The following ARHGEF9 variants were observed in gnomAD, a reference collection of about 807,000 sequenced individuals.
ARHGEF9 encodes the protein Cdc42 guanine nucleotide exchange factor 9.
ARHGEF9 carries 2 observed loss-of-function variants against 41.3 expected under a neutral mutation model. The ratio of observed to expected loss-of-function variants is 0.05; its 90% confidence interval spans 0.02 to 0.15. The LOEUF is 0.15. Ranked by LOEUF, ARHGEF9 falls within the 10% of genes least tolerant of loss-of-function variation. ARHGEF9 has a pLI of 1.00. For missense variants in ARHGEF9, 225 were observed against 424.7 expected (o/e 0.53, Z 4.13); for synonymous variants, 160 against 154.4 (o/e 1.04, Z -0.27).
chrX:63,677,736 T>C (rs1319355318), intron 5 of ARHGEF9, among the ~76,000 whole-genome samples: 12 of 111,386 alleles, frequency 1.1e-4, no homozygotes, highest in African/African-American at 3.9e-4. Flanking sequence ...AAGGTGAAAG[T>C]GTACAGAAAT....
intron 1 of ARHGEF9, among the ~76,000 whole-genome samples, chrX:63,752,157 ATT>A (rs2055683486): frequency 9.1e-6 from 1 of 109,986 alleles, no homozygotes; most frequent in Non-Finnish European, 1.9e-5. Context: ...TTTGATTAAC[ATT>A]TTCTTTTCCT....
chrX:63,763,286 A>G (rs1369404679), intron 1 of ARHGEF9, among the ~76,000 whole-genome samples: 1 of 111,623 alleles, frequency 9.0e-6, no homozygotes, highest in Admixed American at 9.5e-5. Context: ...ATACATAGAA[A>G]GCCATTAAGT....
intron 1 of ARHGEF9, among the ~76,000 whole-genome samples, chrX:63,757,531 G>GAAAATATCT (rs782418506): frequency 8.9e-6 from 1 of 111,772 alleles, no homozygotes; most frequent in Non-Finnish European, 1.9e-5. Context: ...CAGAAACCAA[G>GAAAATATCT]AAAATATCTA....
chrX:63,784,258 G>A (rs782431419), intron 1 of ARHGEF9, among the ~76,000 whole-genome samples: 113 of 112,238 alleles, frequency 1.0e-3, no homozygotes, highest in African/African-American at 3.3e-3. Context: ...CCCTAACCAG[G>A]CTTAAGCTGC....
At chrX:63,650,408 A>C (rs781977501) in intron 8 of ARHGEF9, among the ~76,000 whole-genome samples, 1 of 111,527 alleles carries the variant, frequency 9.0e-6, no homozygotes, top group Non-Finnish European at 1.9e-5. Context: ...TATTATGTTA[A>C]GTGAAATAAG....
chrX:63,689,486 C>T (rs1556379267), intron 4 of ARHGEF9, among the ~76,000 whole-genome samples: 1 of 111,617 alleles, frequency 9.0e-6, no homozygotes, highest in African/African-American at 3.3e-5. Flanking sequence ...ACTGGAGCAC[C>T]CAAATATACA....
At chrX:63,782,982 A>C (rs2147832269) in intron 1 of ARHGEF9, among the ~76,000 whole-genome samples, 1 of 112,717 alleles carries the variant, frequency 8.9e-6, no homozygotes, top group South Asian at 3.6e-4. Flanking sequence ...TAAACAGCTA[A>C]ATAAATGCTT....
chrX:63,648,254 G>A (rs782383385), intron 8 of ARHGEF9, among the ~76,000 whole-genome samples: 3 of 111,521 alleles, frequency 2.7e-5, no homozygotes, highest in East Asian at 2.8e-4. Flanking sequence ...CGGATCTCTC[G>A]GCAGAAACTC....
intron 1 of ARHGEF9, among the ~76,000 whole-genome samples, chrX:63,777,845 G>A (rs1247465139): frequency 8.9e-6 from 1 of 112,856 alleles, no homozygotes; most frequent in Non-Finnish European, 1.9e-5. Flanking sequence ...GACTCCCACA[G>A]GCTTGGGCAA....
At chrX:63,696,010 G>T (rs2051721416) in intron 4 of ARHGEF9, among the ~76,000 whole-genome samples, 1 of 111,600 alleles carries the variant, frequency 9.0e-6, no homozygotes, top group Non-Finnish European at 1.9e-5. Flanking sequence ...TCTGCACTTT[G>T]CCCTGTGTGC....
intron 8 of ARHGEF9, among the ~76,000 whole-genome samples, chrX:63,644,718 C>T (rs1275054817): frequency 9.2e-6 from 1 of 108,803 alleles, no homozygotes; most frequent in Non-Finnish European, 1.9e-5. Context: ...TACTAGAATC[C>T]TAATCTGAAA....
chrX:63,638,000 T>A lies in ARHGEF9; in HGVS notation c.*28A>T, dbSNP rs1556300626. The A allele has an allele frequency of 6.0e-6, 7 of 1,166,061 alleles. No individual in the cohort carries two copies. In the Middle Eastern group the frequency reaches 7.2e-4, roughly 119 times the overall value. On this transcript the variant is annotated 3_prime_UTR_variant, in exon 10 of 10. Transcript: ENST00000671741. Reference sequence around the variant, plus strand: ...ATAAATATAATTTTATTTACTTTATTTTAAAATTATCTGCCTCCCTGTAGG... The same window carrying A: ...ATAAATATAATTTTATTTACTTTATATTAAAATTATCTGCCTCCCTGTAGG...
intron 9 of ARHGEF9, chrX:63,639,897 T>C (rs2047515120): frequency 1.8e-5 from 2 of 111,604 alleles, no homozygotes; most frequent in African/African-American, 6.5e-5. Context: ...CACTCAAATG[T>C]AGGAGCTAAA....
intron 1 of ARHGEF9, among the ~76,000 whole-genome samples, chrX:63,729,288 G>GA (rs1423189760): frequency 5.4e-5 from 6 of 111,120 alleles, no homozygotes; most frequent in African/African-American, 1.6e-4. Context: ...GTTTGCCCTG[G>GA]AAAAAAGTGC....
chrX:63,657,670 C>G (rs2048959300), intron 7 of ARHGEF9: 1 of 111,324 alleles, frequency 9.0e-6, no homozygotes, highest in South Asian at 3.8e-4. Context: ...GTTCCTTTTA[C>G]CATGTTCAGT....
intron 2 of ARHGEF9, among the ~76,000 whole-genome samples, chrX:63,720,533 AT>A (rs2053577155): frequency 8.9e-6 from 1 of 112,522 alleles, no homozygotes; most frequent in East Asian, 2.8e-4. Flanking sequence ...CAGGAAAAAA[AT>A]AATTTGGCAG....
intron 9 of ARHGEF9, among the ~76,000 whole-genome samples, chrX:63,643,731 AGAG>A (rs1334273905): frequency 3.6e-5 from 4 of 110,719 alleles, no homozygotes; most frequent in African/African-American, 1.3e-4. Flanking sequence ...AAAAAAAAAA[AGAG>A]GAACAGAGGT....
intron 4 of ARHGEF9, among the ~76,000 whole-genome samples, chrX:63,687,877 G>A (rs782102643): frequency 1.4e-4 from 15 of 110,148 alleles, no homozygotes; most frequent in Non-Finnish European, 2.6e-4. Context: ...AGCCTCAAAA[G>A]AGCAAGTCAA....
intron 6 of ARHGEF9, among the ~76,000 whole-genome samples, chrX:63,673,547 T>C (rs782429805): frequency 1.7e-4 from 19 of 110,863 alleles, no homozygotes; most frequent in Non-Finnish European, 3.4e-4. Context: ...GGGATGATGG[T>C]TGTGGCCTAT....
Sources: allele counts gnomAD v4.1 joint callset (sites outside exome capture counted in the v4.1 genomes callset), GRCh38; gene constraint gnomAD v4.1.1; transcripts MANE v1.5; gene names NCBI Gene and HGNC (gene_info 2026-07-23, HGNC 2026-07-21).